USP30: variants seen among roughly 807,000 people sequenced by gnomAD.
The protein encoded by USP30 is ubiquitin specific peptidase 30, also known as ubiquitin carboxyl-terminal hydrolase 30.
A neutral mutation model predicts 68.2 loss-of-function variants in USP30; 41 were observed. The observed-to-expected ratio is 0.60, with a 90% CI of 0.47 to 0.78. The LOEUF is 0.78. USP30 is among the 30% of genes least tolerant of loss of function. USP30 has a pLI of 0.00. For missense variants in USP30, 522 were observed against 649.4 expected (o/e 0.80, Z 2.13); for synonymous variants, 229 against 253.7 (o/e 0.90, Z 0.93).
At chr12:109,052,798 G>C in intron 1 of USP30, 37 bp downstream of exon 1, 1 of 1,422,204 alleles carries the variant, frequency 7.0e-7, no homozygotes, top group Non-Finnish European at 9.2e-7. Context: ...GAAGAGGCCG[G>C]GACCAGGGTC....
chr12:109,080,178 G>T (rs1566104277), intron 7 of USP30, among the ~76,000 whole-genome samples: 1 of 152,204 alleles, frequency 6.6e-6, no homozygotes, highest in South Asian at 2.1e-4. Context: ...AAACTTTGGG[G>T]CTCATCCCCT....
In USP30 at chr12:109,082,901, C is replaced by T. The variant is rs150004182; in HGVS notation, c.1007C>T (p.Pro336Leu). The change falls in exon 11 of 13, where the codon CCT becomes CTT. Residue 336 changes from proline to leucine, a missense_variant. Pro to Leu is a moderately conservative substitution (Grantham distance 98). Transcript: ENST00000257548. ...QRLSWSSHGT[P>L]LKRHEHVQFN... The stretch of plus-strand genomic sequence containing the variant: ...CTGAGCTGGTCCAGCCACGGCACGC[C>T]TCTGAAGCGGCATGAGCACGTGCAG... The T allele has an allele frequency of 3.8e-5, 62 of 1,614,254 alleles. No individual in the cohort carries two copies. The African/African-American group carries it at 7.3e-4, about 19-fold the overall frequency.
At chr12:109,038,774 G>T (rs1052867298) in intron 3 of USP30, among the ~76,000 whole-genome samples, 2 of 152,152 alleles carry the variant, frequency 1.3e-5, no homozygotes, top group Admixed American at 1.3e-4. Flanking sequence ...TCACCAACAA[G>T]TGATATTAAT....
Position 109,085,756 on chromosome 12 carries a change from C to G in USP30, c.1379C>G (p.Pro460Arg). 1 of 1,614,248 alleles carries G rather than the reference C, an allele frequency of 6.2e-7. No individual in the cohort carries two copies. The highest frequency in any genetic ancestry group is 1.1e-5 in the South Asian group (1 of 91,086). The part of the protein sequence containing the change: ...SGHFVTYRRS[P>R]PSARNPLSTS... Reference sequence around the variant, plus strand: ...CACTTTGTCACTTACCGACGGTCCCCACCTTCTGCCAGGAACCCTCTCTCA... The same window carrying G: ...CACTTTGTCACTTACCGACGGTCCCGACCTTCTGCCAGGAACCCTCTCTCA... Residue 460 changes from proline to arginine, a missense_variant, in exon 13 of 13, where the codon CCA (proline) becomes CGA (arginine). Coordinates refer to ENST00000257548, the MANE Select transcript of USP30 (RefSeq NM_032663.5).
At chr12:109,055,642 C>T (rs2040847862) in intron 1 of USP30, among the ~76,000 whole-genome samples, 2 of 148,436 alleles carry the variant, frequency 1.3e-5, no homozygotes, top group Admixed American at 6.8e-5. Context: ...GGTGATCCGC[C>T]CACCTCGGCC....
At position 109,085,655 on chromosome 12, in the gene USP30, C is replaced by G. The variant is rs373028321; in HGVS notation, c.1290-12C>G. On this transcript the variant is annotated splice_polypyrimidine_tract_variant and intron_variant, in intron 12 of 12. Transcript: ENST00000257548. ...AAATTGTAAACCCCTGACATGTGTT[C>G]GTATCATTCAGCTCCTCCACATACC... is the stretch of plus-strand genomic sequence containing the variant. 6.2e-7 allele frequency: 1 copy of G among 1,613,036 alleles called. No homozygotes were observed. Among genetic ancestry groups the G allele is most frequent in the Non-Finnish European group, 8.5e-7 (1 of 1,179,216 alleles).
rs559716566 is a variant in USP30 at position 109,029,553 on chromosome 12, T to C, written c.-136+1997T>C. On this transcript the variant is annotated intron_variant, in intron 3 of 15. Coordinates refer to the USP30 transcript ENST00000392784. ...ATGTACTTATTAGGGCACACTGTTT[T>C]ACTAGGGCCCATTGTATGAGTGTGA... is the stretch of plus-strand genomic sequence containing the variant. Among the ~76,000 whole-genome samples, 3 of 152,302 alleles carry C rather than the reference T, an allele frequency of 2.0e-5. No homozygotes were observed. The South Asian group carries it at 6.2e-4, about 32-fold the overall frequency.
chr12:109,073,339 T>C (rs7967182), intron 6 of USP30, 99 bp from the exon 7 acceptor site: 654,334 of 780,356 alleles, frequency 0.84, 276,014 homozygotes, highest in East Asian at 0.97. Flanking sequence ...TATTTTTTCT[T>C]AAGAGGTAGT....
intron 11 of USP30, among the ~76,000 whole-genome samples, chr12:109,084,281 A>G (rs1052882261): frequency 1.3e-5 from 2 of 152,248 alleles, no homozygotes; most frequent in Non-Finnish European, 2.9e-5. Context: ...ACAGCCCCCA[A>G]AAATGACACT....
intron 10 of USP30, 39 bp from the exon 11 acceptor site, chr12:109,082,804 G>A (rs1161092255): frequency 6.2e-7 from 1 of 1,609,782 alleles, no homozygotes; most frequent in African/African-American, 1.3e-5. Context: ...TCCTGCCCCT[G>A]AAACAACTCG....
At chr12:109,085,517 C>T in intron 12 of USP30, 150 bp from the exon 13 acceptor site, 1 of 933,984 alleles carries the variant, frequency 1.1e-6, no homozygotes, top group East Asian at 2.5e-5. Context: ...CCAGTAAATA[C>T]AGATCTGTAT....
chr12:109,068,754 T>C (rs775843447), intron 4 of USP30, among the ~76,000 whole-genome samples: 7 of 152,190 alleles, frequency 4.6e-5, no homozygotes, highest in African/African-American at 7.2e-5. Context: ...ATTTCCAACA[T>C]CTTCAGCCCA....
chr12:109,068,814 G>A (rs996934645), intron 4 of USP30, among the ~76,000 whole-genome samples: 15 of 152,200 alleles, frequency 9.9e-5, no homozygotes, highest in African/African-American at 2.9e-4. Context: ...AAAAAGAGGT[G>A]AACACGTCTG....
chr12:109,074,730 C>A (rs1593281025), intron 7 of USP30, among the ~76,000 whole-genome samples: 1 of 152,212 alleles, frequency 6.6e-6, no homozygotes, highest in East Asian at 1.9e-4. Flanking sequence ...TGCACGTGCA[C>A]CTGTGCTCAT....
intron 3 of USP30, among the ~76,000 whole-genome samples, chr12:109,062,194 C>T (rs562874415): frequency 8.5e-5 from 13 of 152,264 alleles, no homozygotes; most frequent in African/African-American, 1.4e-4. Context: ...CTCAGCCTCC[C>T]GTAGTGCTGG....
chr12:109,055,400 A>ATATTTTTTTTTT (rs1298811530), intron 1 of USP30, among the ~76,000 whole-genome samples: 4 of 24,468 alleles, frequency 1.6e-4, no homozygotes, highest in African/African-American at 3.3e-4. Context: ...ATATATATAT[A>ATATTTTTTTTTT]TTTTTTTTTT....
In USP30 at chr12:109,055,400, A is replaced by ATATATTTTTTTTT. The variant is rs1298811530; in HGVS notation, c.84-1281_84-1280insATATTTTTTTTTT. 1.1e-3 allele frequency among the ~76,000 whole-genome samples: 26 copies of ATATATTTTTTTTT among 24,474 alleles called. 1 individual carries two copies. The highest frequency in any genetic ancestry group is 1.1e-3 in the African/African-American group (10 of 9,022). 16.1% of individuals were successfully genotyped at this position (24,474 alleles called of 152,430 possible). Reference sequence around the variant, plus strand: ...TATACATATATATATATATATATATATTTTTTTTTTTTTTTTTTTTGAGGC... The same window carrying ATATATTTTTTTTT: ...TATACATATATATATATATATATATATATATTTTTTTTTTTTTTTTTTTTTTTTTTTTTGAGGC... On this transcript the variant is annotated intron_variant, in intron 1 of 12. Transcript: ENST00000257548.
At chr12:109,058,213 A>C in intron 3 of USP30, 105 bp downstream of exon 3, 2 of 1,212,490 alleles carry the variant, frequency 1.6e-6, no homozygotes, top group Non-Finnish European at 2.3e-6. Context: ...GGAAAAGATC[A>C]TACAGATCAT....
In USP30 at chr12:109,041,326, G is replaced by A. The variant is rs77695145; in HGVS notation, c.-135-6264G>A. On this transcript the variant is annotated intron_variant, in intron 3 of 15. Transcript: ENST00000392784. ...ACATCCAAGTTCCTGAAAGCTTGCT[G>A]GGGCTTCATGATTTAAGAAAATGAA... Among the ~76,000 whole-genome samples the A allele has an allele frequency of 2.7e-3, 414 of 152,184 alleles. 15 individuals carry two copies. In the East Asian group the frequency reaches 0.062, roughly 23 times the overall value.
Sources: gnomAD v4.1 joint callset for allele counts (sites outside exome capture counted in the v4.1 genomes callset) on GRCh38, gnomAD v4.1.1 for gene constraint, MANE v1.5 for transcripts, NCBI Gene and HGNC (gene_info 2026-07-23, HGNC 2026-07-21) for gene names.